MSI2: variants seen among roughly 807,000 people sequenced by gnomAD.
The protein encoded by MSI2 is RNA-binding protein Musashi homolog 2.
MSI2 carries 17 observed loss-of-function variants against 45.6 expected under a neutral mutation model. The ratio of observed to expected loss-of-function variants is 0.37; its 90% CI spans 0.26 to 0.56. The LOEUF (loss-of-function observed/expected upper bound fraction) is 0.56. Among genes scored for constraint, MSI2 ranks in the 20% least tolerant of loss-of-function variants. The pLI is 0.77. For synonymous variants in MSI2, 156 were observed against 158.2 expected, an observed-to-expected ratio of 0.99 and a Z score of 0.11; for missense variants, 293 against 444.2, an observed-to-expected ratio of 0.66 and a Z score of 3.06.
chr17:57,471,412 G>A (rs7219422), intron 6 of MSI2, among the ~76,000 whole-genome samples: 1 of 150,666 alleles, frequency 6.6e-6, no homozygotes, highest in South Asian at 2.1e-4. Context: ...TGCCTCAGCC[G>A]CCTGAGTAGC....
chr17:57,273,536 G>A (rs755536623), intron 5 of MSI2, among the ~76,000 whole-genome samples: 11 of 41,320 alleles, frequency 2.7e-4, no homozygotes, highest in African/African-American at 1.8e-3. Flanking sequence ...GGATGTGGGT[G>A]GGGGGGGGGA....
At chr17:57,442,718 C>T (rs1460236054) in intron 6 of MSI2, among the ~76,000 whole-genome samples, 1 of 152,158 alleles carries the variant, frequency 6.6e-6, no homozygotes, top group Non-Finnish European at 1.5e-5. Flanking sequence ...GGGGTGGGAG[C>T]GAGGGAGGCG....
At position 57,682,163 on chromosome 17, in the gene MSI2, G is replaced by GA. The variant is rs984323628; in HGVS notation, c.*2654dup. The GA allele has an allele frequency of 2.7e-4, 51 of 192,278 alleles. No individual in the cohort carries two copies. Among genetic ancestry groups the GA allele is most frequent in the African/African-American group, 7.9e-4 (34 of 43,020 alleles). The allele number at this position is 192,278 out of a possible 1,614,324, so 11.9% of individuals were successfully genotyped here. A position where few individuals can be genotyped will look rare whatever the true frequency, so the allele number is the denominator to read the frequency against. On this transcript the variant is annotated 3_prime_UTR_variant, in exon 14 of 14. Transcript: ENST00000284073. ...AAGGATAGAACTTTCTCTTATTTAT[G>GA]AAAAAAAATGCTAATAATTTTGGGG...
intron 12 of MSI2, among the ~76,000 whole-genome samples, chr17:57,675,916 GGT>G (rs1913197691): frequency 6.6e-6 from 1 of 152,124 alleles, no homozygotes. Context: ...TCTCCCTCCC[GGT>G]GTGTGTGAGC....
intron 5 of MSI2, among the ~76,000 whole-genome samples, chr17:57,286,704 G>T (rs1909919976): frequency 6.6e-6 from 1 of 151,972 alleles, no homozygotes; most frequent in African/African-American, 2.4e-5. Context: ...TGTATTTCCC[G>T]GCTCACTGTG....
chr17:57,321,427 C>T (rs988398913), intron 5 of MSI2, among the ~76,000 whole-genome samples: 4 of 152,164 alleles, frequency 2.6e-5, no homozygotes, highest in African/African-American at 7.2e-5. Flanking sequence ...CCCCCTCCCA[C>T]GCCAACCTCC....
At chr17:57,383,349 G>T (rs1325509657) in intron 5 of MSI2, among the ~76,000 whole-genome samples, 1 of 152,192 alleles carries the variant, frequency 6.6e-6, no homozygotes, top group Non-Finnish European at 1.5e-5. Context: ...CATTTACAAT[G>T]ATAATAGATA....
intron 6 of MSI2, among the ~76,000 whole-genome samples, chr17:57,496,622 C>T (rs186088341): frequency 3.9e-5 from 6 of 152,332 alleles, no homozygotes; most frequent in Admixed American, 3.9e-4. Context: ...CCGTGTGCTC[C>T]GGGAGGACAG....
chr17:57,553,831 G>A (rs2087364384), intron 7 of MSI2, among the ~76,000 whole-genome samples: 1 of 152,172 alleles, frequency 6.6e-6, no homozygotes, highest in Non-Finnish European at 1.5e-5. Flanking sequence ...TGTGATGGAT[G>A]GGTAGCCGAC....
chr17:57,309,498 G>A (rs1912191436), intron 5 of MSI2, among the ~76,000 whole-genome samples: 1 of 152,204 alleles, frequency 6.6e-6, no homozygotes, highest in Non-Finnish European at 1.5e-5. Context: ...GGAAACGTGT[G>A]TAATAAAACA....
chr17:57,505,335 T>C (rs1423220769), intron 6 of MSI2, among the ~76,000 whole-genome samples: 1 of 151,414 alleles, frequency 6.6e-6, no homozygotes, highest in East Asian at 1.9e-4. Flanking sequence ...TTTTATGGGG[T>C]GAGAGAAGAA....
Position 57,552,398 on chromosome 17 carries a change from A to C in MSI2, c.454+22674A>C. 6.7e-6 allele frequency among the ~76,000 whole-genome samples: 1 copy of C among 148,554 alleles called. No individual in the cohort carries two copies. Among genetic ancestry groups the C allele is most frequent in the Non-Finnish European group, 1.5e-5 (1 of 66,912 alleles). ...CCAGCACCCCCCAACCCAGCCCCCC[A>C]CTCACTGCCCTGCTGCATCCAGCCC... is the stretch of plus-strand genomic sequence containing the variant. On this transcript the variant is annotated intron_variant, in intron 7 of 13. Transcript: ENST00000284073. The surrounding 1 kb of genome is among the most constrained non-coding windows in gnomAD (Gnocchi z 4.3).
At chr17:57,579,817 C>G (rs2088154442) in intron 7 of MSI2, among the ~76,000 whole-genome samples, 1 of 152,182 alleles carries the variant, frequency 6.6e-6, no homozygotes, top group African/African-American at 2.4e-5. Context: ...CTCTATAACC[C>G]TATAATGCTG....
intron 5 of MSI2, among the ~76,000 whole-genome samples, chr17:57,319,244 CT>C (rs2143657119): frequency 6.6e-6 from 1 of 152,346 alleles, no homozygotes; most frequent in Non-Finnish European, 1.5e-5. Flanking sequence ...TTAGCATTTT[CT>C]AGGGCTGAAC....
chr17:57,605,740 C>T lies in MSI2; in HGVS notation c.537+8790C>T, dbSNP rs891765423. Among the ~76,000 whole-genome samples the T allele has an allele frequency of 2.0e-5, 3 of 152,216 alleles. No homozygotes were observed. The East Asian group carries it at 5.8e-4, about 29-fold the overall frequency. On this transcript the variant is annotated intron_variant, in intron 8 of 13. Coordinates refer to ENST00000284073, the MANE Select transcript of MSI2 (RefSeq NM_138962.4). ...TTTCCCCAGGGCCTGGGAGTTCTGT[C>T]CCTGGTTCTTCCTTTGCCCTCTTCT...
chr17:57,395,088 C>T (rs2083865440), intron 5 of MSI2, among the ~76,000 whole-genome samples: 1 of 152,148 alleles, frequency 6.6e-6, no homozygotes, highest in Admixed American at 6.5e-5. Context: ...TCTTGGTGTT[C>T]CTTGGTTTGC....
At chr17:57,324,349 C>G (rs1301406269) in intron 5 of MSI2, among the ~76,000 whole-genome samples, 8 of 152,168 alleles carry the variant, frequency 5.3e-5, no homozygotes, top group Admixed American at 5.2e-4. Context: ...CAGGAGGCAG[C>G]TTTTCCTCAT....
At chr17:57,523,271 A>T (rs1465138305) in intron 6 of MSI2, among the ~76,000 whole-genome samples, 3 of 151,778 alleles carry the variant, frequency 2.0e-5, no homozygotes, top group Non-Finnish European at 4.4e-5. Context: ...CTGGTCTCGA[A>T]CTCCTGACCT....
At chr17:57,358,040 A>G (rs558778996) in intron 5 of MSI2, among the ~76,000 whole-genome samples, 1 of 152,142 alleles carries the variant, frequency 6.6e-6, no homozygotes, top group Non-Finnish European at 1.5e-5. Flanking sequence ...GGGGGCTGCT[A>G]TTTGAGGCAC....
Sources: gnomAD v4.1 joint callset for allele counts (sites outside exome capture counted in the v4.1 genomes callset) on GRCh38, gnomAD v4.1.1 for gene constraint, Gnocchi (gnomAD v3.1) non-coding constraint, MANE v1.5 for transcripts, NCBI Gene and HGNC (gene_info 2026-07-23, HGNC 2026-07-21) for gene names.